The following DLGAP1 variants were observed in gnomAD, a reference collection of about 807,000 sequenced individuals.
DLGAP1 encodes DLG associated protein 1, also known as disks large-associated protein 1.
DLGAP1 carries 11 observed loss-of-function variants against 90.8 expected under a neutral mutation model. The ratio of observed to expected loss-of-function variants is 0.12; its 90% CI spans 0.08 to 0.20. The LOEUF is 0.20. Among genes scored for constraint, DLGAP1 ranks in the 10% least tolerant of loss-of-function variants. The probability of loss-of-function intolerance (pLI) is 1.00; values close to 1 mark genes in which losing one functional copy is unlikely to be tolerated. For synonymous variants in DLGAP1, 558 were observed against 540.7 expected (o/e 1.03, Z -0.44); for missense variants, 1,050 against 1,333.8 (o/e 0.79, Z 3.31).
At chr18:3,814,587 T>G (rs1276615959) in intron 4 of DLGAP1, among the ~76,000 whole-genome samples, 1 of 152,114 alleles carries the variant, frequency 6.6e-6, no homozygotes, top group African/African-American at 2.4e-5. Context: ...GGTCTTAATC[T>G]CCTGACCTCG....
intron 3 of DLGAP1, among the ~76,000 whole-genome samples, chr18:3,992,922 T>C (rs1180802845): frequency 1.3e-5 from 2 of 152,280 alleles, no homozygotes; most frequent in East Asian, 3.9e-4. Context: ...TAGCATCTGC[T>C]CCTGGGGCAG....
At chr18:4,036,248 T>C (rs980615943) in intron 2 of DLGAP1, among the ~76,000 whole-genome samples, 16 of 152,138 alleles carry the variant, frequency 1.1e-4, no homozygotes, top group Non-Finnish European at 2.4e-4. Flanking sequence ...GCAGATGTGT[T>C]AAAACTCAAA....
Position 3,936,592 on chromosome 18 carries a change from G to A in DLGAP1, c.-72-56452C>T, listed in dbSNP as rs1030941236. On this transcript the variant is annotated intron_variant, in intron 3 of 12. Transcript: ENST00000315677. ...ATTAAAGTCTCCAGGACATATTCCT[G>A]TCTATTAGATTGTGAATACCTTGAG... Among the ~76,000 whole-genome samples the A allele has an allele frequency of 6.6e-5, 10 of 152,242 alleles. No individual in the cohort carries two copies. In the East Asian group the frequency reaches 1.9e-3, roughly 29 times the overall value.
intron 7 of DLGAP1, among the ~76,000 whole-genome samples, chr18:3,636,979 T>A (rs2058743105): frequency 6.6e-6 from 1 of 152,042 alleles, no homozygotes; most frequent in African/African-American, 2.4e-5. Flanking sequence ...CGCCTCGGCA[T>A]CCCAAAATGC....
intron 2 of DLGAP1, among the ~76,000 whole-genome samples, chr18:4,131,194 G>GT (rs59254560): frequency 0.012 from 1,895 of 152,082 alleles, 53 homozygotes; most frequent in African/African-American, 0.042. Context: ...AAAAAAACGT[G>GT]GGCGTGTGTG....
chr18:3,784,269 A>C (rs1339016992), intron 5 of DLGAP1, among the ~76,000 whole-genome samples: 2 of 152,100 alleles, frequency 1.3e-5, no homozygotes, highest in Non-Finnish European at 2.9e-5. Context: ...TAGGCGCACA[A>C]GGCACCTCAT....
At chr18:4,191,876 A>C (rs1014728092) in intron 1 of DLGAP1, among the ~76,000 whole-genome samples, 2 of 152,188 alleles carry the variant, frequency 1.3e-5, no homozygotes, top group African/African-American at 4.8e-5. Context: ...TAATGGAATG[A>C]GAGTTCCATG....
intron 1 of DLGAP1, among the ~76,000 whole-genome samples, chr18:4,374,588 C>T (rs1416895246): frequency 1.3e-5 from 2 of 152,098 alleles, no homozygotes; most frequent in Non-Finnish European, 1.5e-5. Context: ...TTTAAAGATT[C>T]TCATTTTCTC....
intron 5 of DLGAP1, among the ~76,000 whole-genome samples, chr18:3,783,749 ATGGG>A (rs2065313473): frequency 6.6e-6 from 1 of 152,216 alleles, no homozygotes; most frequent in South Asian, 2.1e-4. Flanking sequence ...CACTTAAAAA[ATGGG>A]TGTGTTATAT....
intron 3 of DLGAP1, among the ~76,000 whole-genome samples, chr18:3,968,833 T>C (rs979012318): frequency 6.6e-6 from 1 of 152,170 alleles, no homozygotes. Context: ...TCCTTGTCCC[T>C]GCCCAGCTAT....
At chr18:3,864,310 A>C (rs1386898509) in intron 4 of DLGAP1, among the ~76,000 whole-genome samples, 1 of 152,206 alleles carries the variant, frequency 6.6e-6, no homozygotes, top group Non-Finnish European at 1.5e-5. Flanking sequence ...AACATACAAG[A>C]GATCAAATTG....
At chr18:4,411,164 A>T (rs1470112488) in intron 1 of DLGAP1, among the ~76,000 whole-genome samples, 2 of 151,402 alleles carry the variant, frequency 1.3e-5, no homozygotes, top group African/African-American at 4.9e-5. Flanking sequence ...TCTCCAACAA[A>T]TTTTTTTTTC....
chr18:3,845,547 A>G (rs2068958271), intron 4 of DLGAP1: 1 of 985,334 alleles, frequency 1.0e-6, no homozygotes, highest in African/African-American at 1.7e-5. Context: ...GCAATTTTGC[A>G]TAGCAGTTGT....
chr18:4,213,412 G>A (rs1369049016), intron 1 of DLGAP1, among the ~76,000 whole-genome samples: 1 of 152,126 alleles, frequency 6.6e-6, no homozygotes, highest in Non-Finnish European at 1.5e-5. Flanking sequence ...AGGAGTAGAT[G>A]CATTGGAGTG....
At chr18:3,975,492 C>T (rs2073552138) in intron 3 of DLGAP1, among the ~76,000 whole-genome samples, 1 of 152,096 alleles carries the variant, frequency 6.6e-6, no homozygotes, top group African/African-American at 2.4e-5. Context: ...CCCTTGAACG[C>T]ACTCACTGTG....
chr18:4,034,847 A>G (rs942026407), intron 2 of DLGAP1, among the ~76,000 whole-genome samples: 4 of 152,184 alleles, frequency 2.6e-5, no homozygotes, highest in Non-Finnish European at 4.4e-5. Flanking sequence ...TAAACTTTCA[A>G]ATGCCTGAAA....
chr18:3,743,798 C>G (rs1325215959), intron 5 of DLGAP1, among the ~76,000 whole-genome samples: 1 of 152,124 alleles, frequency 6.6e-6, no homozygotes, highest in Admixed American at 6.5e-5. Flanking sequence ...AACAGGTACA[C>G]ACCACCATGC....
At chr18:4,030,870 C>T (rs1401922130) in intron 2 of DLGAP1, among the ~76,000 whole-genome samples, 8 of 152,184 alleles carry the variant, frequency 5.3e-5, no homozygotes, top group African/African-American at 1.9e-4. Context: ...TTGCAATGAG[C>T]TGTGATTGCA....
intron 2 of DLGAP1, among the ~76,000 whole-genome samples, chr18:4,019,824 CACACAT>C (rs767536630): frequency 7.0e-6 from 1 of 141,864 alleles, no homozygotes; most frequent in Non-Finnish European, 1.5e-5. Context: ...CGCACACACA[CACACAT>C]ACACACGCAC....
Sources: allele counts gnomAD v4.1 joint callset (sites outside exome capture counted in the v4.1 genomes callset), GRCh38; gene constraint gnomAD v4.1.1; transcripts MANE v1.5; gene names NCBI Gene and HGNC (gene_info 2026-07-23, HGNC 2026-07-21).